Variants in COL28A1 observed in about 807,000 individuals in gnomAD.
COL28A1 encodes the protein collagen alpha-1(XXVIII) chain.
Under a neutral mutation model 150.2 loss-of-function variants are expected in COL28A1, and 161 were observed. The ratio of observed to expected loss-of-function variants is 1.07; its 90% CI spans 0.94 to 1.22. The LOEUF (loss-of-function observed/expected upper bound fraction) is 1.22. Among genes scored for constraint, COL28A1 ranks in the 50% most tolerant of loss-of-function variants. The pLI, the probability that COL28A1 is intolerant of heterozygous loss-of-function variation, is 0.00. For synonymous variants in COL28A1, 552 were observed against 469.7 expected (o/e 1.18, Z -2.26); for missense variants, 1,617 against 1,388.3 (o/e 1.16, Z -2.62).
chr7:7,459,230 G>A (rs1423851965), intron 15 of COL28A1, among the ~76,000 whole-genome samples: 7 of 152,144 alleles, frequency 4.6e-5, no homozygotes, highest in African/African-American at 1.7e-4. Context: ...ATAAAACAAT[G>A]GTTCTGTTGT....
intron 33 of COL28A1, among the ~76,000 whole-genome samples, chr7:7,362,689 C>G (rs1442132775): frequency 6.6e-6 from 1 of 152,068 alleles, no homozygotes; most frequent in African/African-American, 2.4e-5. Context: ...TTTCACTGTC[C>G]CCTAAACACA....
Position 7,373,118 on chromosome 7 carries a change from A to G in COL28A1, c.2788T>C (p.Phe930Leu), listed in dbSNP as rs755650770. The change falls in exon 32 of 35, where the codon TTT (phenylalanine) becomes CTT (leucine). Residue 930 changes from phenylalanine to leucine, a missense_variant. By Grantham distance (22) the Phe-to-Leu change is conservative. Coordinates refer to ENST00000399429, the MANE Select transcript of COL28A1 (RefSeq NM_001037763.3). The surrounding 1 kb of genome is among the most constrained non-coding windows in gnomAD (Gnocchi z 4.1). ...TTTTTCTTCACCACCCCTATCACAA[A>G]TATCTCCACATTGGTGTCACTGGCA... ...KNASDTNVEI[F>L]VIGVVKKNDP... The G allele has an allele frequency of 1.1e-5, 17 of 1,614,050 alleles. No homozygotes were observed. The highest frequency in any genetic ancestry group is 1.4e-5 in the Non-Finnish European group (16 of 1,180,024).
At chr7:7,473,976 A>G (rs143804815) in intron 15 of COL28A1, among the ~76,000 whole-genome samples, 2 of 148,392 alleles carry the variant, frequency 1.3e-5, no homozygotes, top group African/African-American at 4.9e-5. Flanking sequence ...TATAGTGTGT[A>G]TATAGTGTAT....
intron 18 of COL28A1, among the ~76,000 whole-genome samples, chr7:7,447,352 G>T (rs906893886): frequency 3.3e-5 from 5 of 152,026 alleles, no homozygotes; most frequent in Non-Finnish European, 7.4e-5. Flanking sequence ...GCTAAGGCAA[G>T]AAGACAGCTT....
At chr7:7,493,003 TAC>T (rs1780008877) in intron 11 of COL28A1, among the ~76,000 whole-genome samples, 1 of 147,922 alleles carries the variant, frequency 6.8e-6, no homozygotes, top group Admixed American at 6.8e-5. Flanking sequence ...ATAATATATA[TAC>T]ATATATAACA....
chr7:7,373,966 T>C lies in COL28A1; in HGVS notation c.2360-420A>G, dbSNP rs920363339. ...TGCCCGCCTCGGCCTCCCAAAGTGC[T>C]GGGATTACAGGCGTGAGCCACCGCG... On this transcript the variant is annotated intron_variant, in intron 31 of 34. Coordinates refer to ENST00000399429, the MANE Select transcript of COL28A1 (RefSeq NM_001037763.3). This position sits in a 1 kb window ranked among gnomAD's most constrained non-coding sequence, Gnocchi z 4.1. 3.4e-5 allele frequency among the ~76,000 whole-genome samples: 5 copies of C among 148,398 alleles called. No individual in the cohort carries two copies. Among genetic ancestry groups the C allele is most frequent in the Non-Finnish European group, 7.4e-5 (5 of 67,510 alleles).
At chr7:7,485,858 T>C (rs1265103941) in intron 13 of COL28A1, among the ~76,000 whole-genome samples, 2 of 152,188 alleles carry the variant, frequency 1.3e-5, no homozygotes, top group Admixed American at 6.5e-5. Context: ...ACTGTACCTA[T>C]ATAATAAATC....
intron 15 of COL28A1, among the ~76,000 whole-genome samples, chr7:7,463,830 G>A (rs185950611): frequency 8.5e-5 from 13 of 152,334 alleles, no homozygotes; most frequent in Admixed American, 8.5e-4. Context: ...AACATTGAAT[G>A]TAAATGGCCT....
At chr7:7,363,961 T>G (rs2128279779) in intron 33 of COL28A1, among the ~76,000 whole-genome samples, 1 of 152,200 alleles carries the variant, frequency 6.6e-6, no homozygotes, top group Middle Eastern at 3.4e-3. Flanking sequence ...CACATTTTTA[T>G]AACCTTGTCT....
At chr7:7,537,322 G>C (rs1361472921), upstream of COL28A1, among the ~76,000 whole-genome samples, 1 of 152,172 alleles carries the variant, frequency 6.6e-6, no homozygotes, top group Non-Finnish European at 1.5e-5. Flanking sequence ...TTGGGATGTG[G>C]GAGGAAACTC....
chr7:7,458,193 G>T (rs1411539577), intron 15 of COL28A1, among the ~76,000 whole-genome samples: 1 of 152,144 alleles, frequency 6.6e-6, no homozygotes, highest in Non-Finnish European at 1.5e-5. Context: ...GAGGTGGGCG[G>T]ATCCCCTGAG....
chr7:7,502,730 C>T, intron 11 of COL28A1, among the ~76,000 whole-genome samples: 1 of 35,230 alleles, frequency 2.8e-5, no homozygotes, highest in Non-Finnish European at 4.0e-5. Context: ...CGGAGTCTTG[C>T]TCTGTCGCCC....
chr7:7,461,518 C>G (rs1368283114), intron 15 of COL28A1, among the ~76,000 whole-genome samples: 1 of 152,114 alleles, frequency 6.6e-6, no homozygotes, highest in Non-Finnish European at 1.5e-5. Flanking sequence ...CACCCACTGC[C>G]TGGAAACAGA....
chr7:7,367,521 A>G (rs9640039), intron 33 of COL28A1, among the ~76,000 whole-genome samples: 94,386 of 152,030 alleles, frequency 0.62, 33,238 homozygotes, highest in East Asian at 0.88. Context: ...ATCTGGGTCA[A>G]AGTTCCCCTA....
At chr7:7,450,894 G>C (rs902742648) in intron 18 of COL28A1, among the ~76,000 whole-genome samples, 1 of 151,992 alleles carries the variant, frequency 6.6e-6, no homozygotes, top group African/African-American at 2.4e-5. Context: ...TAAAACATAA[G>C]GCTGACTATA....
chr7:7,380,578 T>C (rs1005085508), intron 30 of COL28A1, 82 bp downstream of exon 30: 5 of 1,251,380 alleles, frequency 4.0e-6, no homozygotes, highest in Admixed American at 4.0e-5. Context: ...ATCCAAAAAA[T>C]TCATAATTCT....
chr7:7,518,824 TG>T (rs1323061085), intron 6 of COL28A1, among the ~76,000 whole-genome samples: 1 of 152,200 alleles, frequency 6.6e-6, no homozygotes, highest in African/African-American at 2.4e-5. Context: ...GTTTCTAAAA[TG>T]TAAGTATCAC....
chr7:7,411,516 G>A (rs1012289131), intron 27 of COL28A1, among the ~76,000 whole-genome samples: 1 of 152,020 alleles, frequency 6.6e-6, no homozygotes, highest in East Asian at 1.9e-4. Flanking sequence ...TTTTTCTCCT[G>A]AAATCAGGCT....
intron 13 of COL28A1, among the ~76,000 whole-genome samples, chr7:7,477,504 T>A (rs1440303024): frequency 6.6e-6 from 1 of 152,218 alleles, no homozygotes; most frequent in African/African-American, 2.4e-5. Context: ...GGGTTCTTGG[T>A]CTCACTGACT....
Sources: allele counts gnomAD v4.1 joint callset (sites outside exome capture counted in the v4.1 genomes callset), GRCh38; gene constraint gnomAD v4.1.1; non-coding constraint Gnocchi (gnomAD v3.1); transcripts MANE v1.5; gene names NCBI Gene and HGNC (gene_info 2026-07-23, HGNC 2026-07-21).